Variants in CDK5RAP2 observed in about 807,000 individuals in gnomAD.
CDK5RAP2 encodes the protein CDK5 regulatory subunit-associated protein 2.
A neutral mutation model predicts 232.9 loss-of-function variants in CDK5RAP2; 147 were observed. That is an observed-to-expected ratio of 0.63 (90% CI 0.55 to 0.72). CDK5RAP2 has a LOEUF of 0.72. Among genes scored for constraint, CDK5RAP2 ranks in the 30% least tolerant of loss-of-function variants. The pLI, the probability that CDK5RAP2 is intolerant of heterozygous loss-of-function variation, is 0.00. For missense variants in CDK5RAP2, 2,195 were observed against 2,231.5 expected (o/e 0.98, Z 0.33); for synonymous variants, 833 against 833.7 (o/e 1.00, Z 0.01).
chr9:120,513,261 C>G (rs2040176038), intron 12 of CDK5RAP2, among the ~76,000 whole-genome samples: 1 of 152,178 alleles, frequency 6.6e-6, no homozygotes, highest in Admixed American at 6.5e-5. Context: ...TCCTGGCTTT[C>G]CCTCAGCAAT....
intron 4 of CDK5RAP2, among the ~76,000 whole-genome samples, chr9:120,547,326 G>A (rs1033601618): frequency 7.9e-5 from 12 of 152,030 alleles, no homozygotes; most frequent in Non-Finnish European, 1.3e-4. Context: ...TTTCCAGGCC[G>A]GGCGCAGTGG....
At chr9:120,518,005 C>T (rs1275449751) in intron 12 of CDK5RAP2, 1 of 213,106 alleles carries the variant, frequency 4.7e-6, no homozygotes, top group African/African-American at 2.3e-5. Context: ...CAAAAAAGAA[C>T]TAGTTAAATA....
At chr9:120,423,812 C>A (rs1473962928) in intron 25 of CDK5RAP2, among the ~76,000 whole-genome samples, 1 of 152,220 alleles carries the variant, frequency 6.6e-6, no homozygotes, top group African/African-American at 2.4e-5. Flanking sequence ...TCAAACACCA[C>A]AGTATAGAGG....
intron 18 of CDK5RAP2, among the ~76,000 whole-genome samples, chr9:120,460,904 A>C (rs1230120891): frequency 6.6e-6 from 1 of 152,264 alleles, no homozygotes; most frequent in Non-Finnish European, 1.5e-5. Flanking sequence ...AAATTCCCCA[A>C]GAAAATAACT....
intron 24 of CDK5RAP2, among the ~76,000 whole-genome samples, chr9:120,438,742 G>C (rs992133610): frequency 6.6e-6 from 1 of 152,120 alleles, no homozygotes; most frequent in Non-Finnish European, 1.5e-5. Context: ...TCACTGCTTG[G>C]GAAGTCTTGA....
chr9:120,529,241 A>G (rs1472187205), intron 8 of CDK5RAP2, among the ~76,000 whole-genome samples: 2 of 152,210 alleles, frequency 1.3e-5, no homozygotes, highest in Non-Finnish European at 2.9e-5. Flanking sequence ...AACATCCCCA[A>G]TGTGAACATA....
rs774028681 is a variant in CDK5RAP2 at position 120,439,720 on chromosome 9, T to C, written c.3401A>G (p.Gln1134Arg). The stretch of plus-strand genomic sequence containing the variant: ...GGCCTCACTGCACTGGGAGTGCTTT[T>C]GAAGCTGAAATATGAAATTCTGGTA... ...EGYQNFIFQL[Q>R]KHSQCSEAII... Residue 1134 changes from glutamine (Q) to arginine (R), a missense_variant, in exon 24 of 38, where the codon CAA becomes CGA. Physicochemically the swap from Gln to Arg is conservative, Grantham distance 43. Transcript: ENST00000349780. 10 of 1,614,256 alleles carry C rather than the reference T, an allele frequency of 6.2e-6. No individual in the cohort carries two copies. In the East Asian group the frequency reaches 2.0e-4, roughly 32 times the overall value.
At position 120,389,213 on chromosome 9, in the gene CDK5RAP2, GC is replaced by G; in HGVS notation, c.*22del. On this transcript the variant is annotated 3_prime_UTR_variant, in exon 38 of 38. Transcript: ENST00000349780. ...CGTGAGCTCGGTGGGGGAAGCACAA[GC>G]TTTATTGGCTGAAAGTTCTTCTCAG... 1.9e-6 allele frequency: 3 copies of G among 1,605,776 alleles called. No homozygotes were observed. Among genetic ancestry groups the G allele is most frequent in the Middle Eastern group, 3.4e-4 (2 of 5,970 alleles).
At chr9:120,427,226 C>T (rs1302750000) in intron 25 of CDK5RAP2, among the ~76,000 whole-genome samples, 5 of 152,066 alleles carry the variant, frequency 3.3e-5, no homozygotes, top group African/African-American at 1.2e-4. Context: ...TGTCTTGGAC[C>T]ACACATAAAA....
At chr9:120,488,158 A>G (rs2038711043) in intron 13 of CDK5RAP2, among the ~76,000 whole-genome samples, 1 of 151,996 alleles carries the variant, frequency 6.6e-6, no homozygotes, top group South Asian at 2.1e-4. Flanking sequence ...GATTCTGTCC[A>G]CTCTTGTCAA....
At chr9:120,579,137 T>C (rs1369704042) in intron 1 of CDK5RAP2, among the ~76,000 whole-genome samples, 1 of 152,204 alleles carries the variant, frequency 6.6e-6, no homozygotes, top group East Asian at 1.9e-4. Context: ...CCACAGTCTC[T>C]TGGGGCAGGT....
chr9:120,450,420 A>G (rs1397819925), intron 21 of CDK5RAP2, among the ~76,000 whole-genome samples: 2 of 152,194 alleles, frequency 1.3e-5, no homozygotes, highest in African/African-American at 2.4e-5. Context: ...GATGATGAAA[A>G]TGTTTAAAAT....
At chr9:120,518,801 T>A (rs960056777) in intron 11 of CDK5RAP2, among the ~76,000 whole-genome samples, 156 bp from the exon 12 acceptor site, 3 of 151,668 alleles carry the variant, frequency 2.0e-5, no homozygotes, top group Non-Finnish European at 4.4e-5. Flanking sequence ...AATAGGAAGA[T>A]TTTGGAATAA....
At chr9:120,475,969 T>G (rs1588437458) in intron 15 of CDK5RAP2, among the ~76,000 whole-genome samples, 1 of 152,060 alleles carries the variant, frequency 6.6e-6, no homozygotes, top group East Asian at 1.9e-4. Context: ...GCAACTGTTT[T>G]GGGGATTAGC....
At chr9:120,450,771 T>C (rs1044948403) in intron 21 of CDK5RAP2, among the ~76,000 whole-genome samples, 1 of 152,198 alleles carries the variant, frequency 6.6e-6, no homozygotes, top group African/African-American at 2.4e-5. Context: ...ACTTTCCAGA[T>C]GAAGAACCGA....
intron 11 of CDK5RAP2, among the ~76,000 whole-genome samples, chr9:120,522,142 T>TA (rs1199186451): frequency 6.6e-6 from 1 of 152,142 alleles, no homozygotes; most frequent in Non-Finnish European, 1.5e-5. Flanking sequence ...AGCACAGAGC[T>TA]AAATATGCAC....
intron 21 of CDK5RAP2, among the ~76,000 whole-genome samples, chr9:120,451,433 C>T (rs1333711214): frequency 2.0e-5 from 3 of 152,158 alleles, no homozygotes; most frequent in East Asian, 3.9e-4. Context: ...ACTTGGTCTC[C>T]GTGTTTCTAT....
At chr9:120,468,903 T>C (rs574252171) in intron 17 of CDK5RAP2, among the ~76,000 whole-genome samples, 66 of 152,336 alleles carry the variant, frequency 4.3e-4, no homozygotes, top group African/African-American at 1.5e-3. Context: ...ATTCCCACCC[T>C]GAGTACACAT....
chr9:120,526,913 ACTC>A lies in CDK5RAP2; in HGVS notation c.999+890_999+892del, dbSNP rs550882907. On this transcript the variant is annotated intron_variant, in intron 10 of 37. Transcript: ENST00000349780. ...CCGTCCCTGCCTTCCTTCCCAACTA[ACTC>A]CTACTTATCCTTTCAGATGCAGCTC... Among the ~76,000 whole-genome samples, 371 of 151,098 alleles carry A rather than the reference ACTC, an allele frequency of 2.5e-3. 1 individual carries two copies. The highest frequency in any genetic ancestry group is 8.8e-3 in the African/African-American group (360 of 41,106).
Sources: allele counts gnomAD v4.1 joint callset (sites outside exome capture counted in the v4.1 genomes callset), GRCh38; gene constraint gnomAD v4.1.1; transcripts MANE v1.5; gene names NCBI Gene and HGNC (gene_info 2026-07-23, HGNC 2026-07-21).